The following SETX variants were observed in gnomAD, a reference collection of about 807,000 sequenced individuals.
SETX encodes the protein senataxin, also known as helicase senataxin.
Under a neutral mutation model 227.2 loss-of-function variants are expected in SETX, and 90 were observed. That is an observed-to-expected ratio of 0.40 (90% CI 0.33 to 0.47). The LOEUF (loss-of-function observed/expected upper bound fraction) is 0.47. SETX is among the 20% of genes least tolerant of loss of function. The pLI, the probability that SETX is intolerant of heterozygous loss-of-function variation, is 0.91. For synonymous variants in SETX, 1,210 were observed against 1,113.2 expected (o/e 1.09, Z -1.73); for missense variants, 3,052 against 3,181.5 (o/e 0.96, Z 0.98).
chr9:132,285,128 C>T (rs1189081492), intron 18 of SETX, among the ~76,000 whole-genome samples: 1 of 152,044 alleles, frequency 6.6e-6, no homozygotes, highest in African/African-American at 2.4e-5. Flanking sequence ...CCGCCCGCCT[C>T]GGCCTCCCAA....
In SETX at chr9:132,327,442, T is replaced by C. The variant is rs543573; in HGVS notation, c.4156A>G (p.Ile1386Val). The change falls in exon 10 of 26, where the codon ATA becomes GTA. Residue 1386 changes from isoleucine (I) to valine (V), a missense_variant. By Grantham distance (29) the Ile-to-Val change is conservative. Transcript: ENST00000224140. ...GACCTATCAGATTCTGGTACAAATA[T>C]GTCAGAATTCTGTGCTGTATGTGAC... Reference protein sequence around the residue: ...AGSHTAQNSDIFVPESDRSDY... With the variant: ...AGSHTAQNSDVFVPESDRSDY... 1,276,412 of 1,613,932 alleles carry C rather than the reference T, an allele frequency of 0.79. 520,902 individuals are homozygous for C. Among genetic ancestry groups the C allele is most frequent in the Non-Finnish European group, 0.85 (1,002,265 of 1,179,970 alleles).
At chr9:132,331,234 C>G in intron 8 of SETX, 43 bp downstream of exon 8, 1 of 1,612,204 alleles carries the variant, frequency 6.2e-7, no homozygotes, top group Non-Finnish European at 8.5e-7. Context: ...AACACACTTT[C>G]TTATAGAGAT....
Position 132,264,593 on chromosome 9 carries a change from G to T in SETX, c.7680C>A (p.Pro2560=). The stretch of plus-strand genomic sequence containing the variant: ...TTGCTCCAGGATGCTGGGGGCTCGA[G>T]GGTTGTGGATCCCAAAGGAATATTC... ...KGGIFLWDPQ[P]SSPQHPGATP... is the part of the protein sequence containing the mutation. Residue 2560 remains proline, a synonymous_variant, in exon 26 of 26, where the codon CCC becomes CCA. Coordinates refer to ENST00000224140, the MANE Select transcript of SETX (RefSeq NM_015046.7). 1.2e-6 allele frequency: 2 copies of T among 1,614,206 alleles called. No individual in the cohort carries two copies. The highest frequency in any genetic ancestry group is 2.2e-5 in the South Asian group (2 of 91,084).
chr9:132,336,470 C>T lies in SETX; in HGVS notation c.544G>A (p.Asp182Asn), dbSNP rs1237433634. ...TGTAAGTCATAATAATCATCTCTGTCCACTTTCCCCAAGTTTCTTGCAGTC... is the reference window on the plus strand; with the variant it reads ...TGTAAGTCATAATAATCATCTCTGTTCACTTTCCCCAAGTTTCTTGCAGTC... ...ILTARNLGKV[D>N]RDDYYDLQEV... is the part of the protein sequence containing the mutation. Residue 182 changes from aspartate to asparagine, a missense_variant, in exon 6 of 26, where the codon GAC (aspartate) becomes AAC (asparagine). Coordinates refer to ENST00000224140, the MANE Select transcript of SETX (RefSeq NM_015046.7). 1 of 1,614,018 alleles carries T rather than the reference C, an allele frequency of 6.2e-7. No homozygotes were observed. The highest frequency in any genetic ancestry group is 1.3e-5 in the African/African-American group (1 of 74,910).
chr9:132,316,953 TATCA>T (rs1246980411), intron 10 of SETX, among the ~76,000 whole-genome samples: 2 of 152,248 alleles, frequency 1.3e-5, no homozygotes, highest in African/African-American at 2.4e-5. Flanking sequence ...AAAATAAGCC[TATCA>T]ATCACCTCAA....
At chr9:132,315,315 GA>G (rs1301553336) in intron 10 of SETX, among the ~76,000 whole-genome samples, 3 of 152,120 alleles carry the variant, frequency 2.0e-5, no homozygotes, top group Non-Finnish European at 4.4e-5. Context: ...ACTTACATAA[GA>G]CAGCCAAACA....
intron 10 of SETX, among the ~76,000 whole-genome samples, chr9:132,313,429 A>G (rs1180486360): frequency 3.0e-4 from 46 of 152,174 alleles, no homozygotes; most frequent in Admixed American, 3.0e-3. Context: ...TTCTACAGCA[A>G]CCCCAGGAGC....
chr9:132,346,444 G>C lies in SETX; in HGVS notation c.205C>G (p.Leu69Val), dbSNP rs1227986427. ...ATGGATTTTTCAAAGTGATTTATGA[G>C]ACGTAAGGTTTCTAATTCCCATAAA... ...EVLWELETLR[L>V]INHFEKSMKA... Residue 69 changes from leucine to valine, a missense_variant, in exon 4 of 26, where the codon CTC becomes GTC. Physicochemically the swap from Leu to Val is conservative, Grantham distance 32 (BLOSUM62 1). Around this residue, in one of 10 missense-constraint regions of SETX, gnomAD observed 152 missense variants for 156.2 expected, o/e 0.97. Transcript: ENST00000224140. 6.2e-7 allele frequency: 1 copy of C among 1,612,690 alleles called. No homozygotes were observed. The highest frequency in any genetic ancestry group is 1.3e-5 in the African/African-American group (1 of 74,896).
chr9:132,350,405 A>T lies in SETX; in HGVS notation c.-7-970T>A, dbSNP rs117116061. 8.4e-3 allele frequency among the ~76,000 whole-genome samples: 1,277 copies of T among 152,274 alleles called. 24 individuals are homozygous for T. Among genetic ancestry groups the T allele is most frequent in the African/African-American group, 0.028 (1,162 of 41,550 alleles). On this transcript the variant is annotated intron_variant, in intron 2 of 25. Transcript: ENST00000224140. ...AGACACTGAGTATGTGGGAATGGAA[A>T]CATGGCAGTGTGAGATTTTTGAGTA...
Position 132,263,034 on chromosome 9 carries a change from CA to C in SETX, c.*1204del, listed in dbSNP as rs1842471814. 1.3e-5 allele frequency: 2 copies of C among 152,198 alleles called. No homozygotes were observed. The highest frequency in any genetic ancestry group is 4.1e-4 in the South Asian group (2 of 4,828). 9.4% of individuals were successfully genotyped at this position (152,198 alleles called of 1,614,324 possible). ...ATTCACCATGACCAATTTTTTCCCCCACAAAAGCACTATCACCTCTAATAGT... is the reference window on the plus strand; with the variant it reads ...ATTCACCATGACCAATTTTTTCCCCCCAAAAGCACTATCACCTCTAATAGT... On this transcript the variant is annotated 3_prime_UTR_variant, in exon 26 of 26. Coordinates refer to ENST00000224140, the MANE Select transcript of SETX (RefSeq NM_015046.7).
At chr9:132,352,612 A>G (rs976082668) in intron 2 of SETX, among the ~76,000 whole-genome samples, 1 of 152,216 alleles carries the variant, frequency 6.6e-6, no homozygotes, top group Non-Finnish European at 1.5e-5. Flanking sequence ...TTAGCTGGGC[A>G]TGGTGGTATG....
intron 12 of SETX, among the ~76,000 whole-genome samples, chr9:132,300,132 A>G (rs1393451626): frequency 9.4e-6 from 1 of 106,910 alleles, no homozygotes; most frequent in Non-Finnish European, 1.8e-5. Flanking sequence ...CTCCGTCTCA[A>G]AAAAAAAAAA....
chr9:132,346,616 C>G, intron 3 of SETX, 145 bp from the exon 4 acceptor site: 1 of 681,116 alleles, frequency 1.5e-6, no homozygotes, highest in Non-Finnish European at 2.5e-6. Flanking sequence ...TTAAAGAAAA[C>G]TATTCAAATG....
Position 132,329,238 on chromosome 9 carries a change from A to G in SETX, c.2360T>C (p.Ile787Thr). 6.2e-7 allele frequency: 1 copy of G among 1,613,848 alleles called. No homozygotes were observed. Reference sequence around the variant, plus strand: ...TATTACATGTGATAACTTTGCACAGATTTCATCTTTCTGTACCTTAGTTTT... The same window carrying G: ...TATTACATGTGATAACTTTGCACAGGTTTCATCTTTCTGTACCTTAGTTTT... ...KRKTKVQKDE[I>T]CAKLSHVIKK... Residue 787 changes from isoleucine to threonine, a missense_variant, in exon 10 of 26, where the codon ATC (isoleucine) becomes ACC (threonine). Ile to Thr is a moderately conservative substitution (Grantham distance 89). This residue lies in a region of SETX where 1,483 missense variants were observed against 1,312.0 expected (regional missense o/e 1.13). Coordinates refer to ENST00000224140, the MANE Select transcript of SETX (RefSeq NM_015046.7).
chr9:132,355,751 C>T (rs964479804), upstream of SETX, among the ~76,000 whole-genome samples: 2 of 152,168 alleles, frequency 1.3e-5, no homozygotes, highest in South Asian at 2.1e-4. Flanking sequence ...CTTTGGGAGG[C>T]CGAGGCGGGT....
intron 10 of SETX, among the ~76,000 whole-genome samples, chr9:132,321,831 G>A (rs1224143005): frequency 6.6e-6 from 1 of 152,216 alleles, no homozygotes; most frequent in Non-Finnish European, 1.5e-5. Flanking sequence ...CTGGGCAACA[G>A]AGTGAGACTC....
At chr9:132,355,413 T>C (rs530962241), upstream of SETX, among the ~76,000 whole-genome samples, 6 of 152,394 alleles carry the variant, frequency 3.9e-5, no homozygotes, top group Non-Finnish European at 5.9e-5. Context: ...TTTTTCTCTT[T>C]AGATTTCCTT....
intron 22 of SETX, among the ~76,000 whole-genome samples, chr9:132,275,867 C>T (rs1248295500): frequency 6.6e-6 from 1 of 152,186 alleles, no homozygotes; most frequent in African/African-American, 2.4e-5. Context: ...TGTCCCTCAC[C>T]ACTGGCTGCA....
At chr9:132,332,410 TG>T (rs1484414704) in intron 7 of SETX, among the ~76,000 whole-genome samples, 3 of 152,206 alleles carry the variant, frequency 2.0e-5, no homozygotes, top group Non-Finnish European at 4.4e-5. Context: ...GGCAAGTGCT[TG>T]AATTCACGCA....
Sources: gnomAD v4.1 joint callset for allele counts (sites outside exome capture counted in the v4.1 genomes callset) on GRCh38, gnomAD v4.1.1 for gene constraint, gnomAD v4.1.1 regional missense constraint, MANE v1.5 for transcripts, NCBI Gene and HGNC (gene_info 2026-07-23, HGNC 2026-07-21) for gene names.